The following NAT8L variants were observed in gnomAD, a reference collection of about 807,000 sequenced individuals.
NAT8L encodes N-acetylaspartate synthetase.
A neutral mutation model predicts 21.2 loss-of-function variants in NAT8L; 6 were observed. The ratio of observed to expected loss-of-function variants is 0.28; its 90% CI spans 0.16 to 0.56. NAT8L has a LOEUF of 0.56. Among genes scored for constraint, NAT8L ranks in the 20% least tolerant of loss-of-function variants. The probability of loss-of-function intolerance (pLI) is 0.93; values close to 1 mark genes in which losing one functional copy is unlikely to be tolerated. For missense variants in NAT8L, 331 were observed against 433.3 expected (o/e 0.76, Z 2.10); for synonymous variants, 239 against 204.9 (o/e 1.17, Z -1.42).
Position 2,059,397 on chromosome 4 carries a change from T to TGCCGCCGCCGCC in NAT8L, c.-103_-92dup, listed in dbSNP as rs892906399. ...GAGCTGCCGCCGCCGCCGCCGCCGC[T>TGCCGCCGCCGCC]GCCGCCGCCGCCGCCGCCGCCGCGG... On this transcript the variant is annotated 5_prime_UTR_variant, in exon 1 of 3. Coordinates refer to ENST00000423729, the MANE Select transcript of NAT8L (RefSeq NM_178557.4). The surrounding 1 kb of genome is among the most constrained non-coding windows in gnomAD (Gnocchi z 4.8). 61 of 237,292 alleles carry TGCCGCCGCCGCC rather than the reference T, an allele frequency of 2.6e-4. No homozygotes were observed. Among genetic ancestry groups the TGCCGCCGCCGCC allele is most frequent in the South Asian group, 1.5e-3 (10 of 6,730 alleles). The allele number at this position is 237,292 out of a possible 1,614,324, so 14.7% of individuals were successfully genotyped here.
In NAT8L at chr4:2,059,748, C is replaced by T; in HGVS notation, c.237C>T (p.Cys79=). The T allele has an allele frequency of 2.4e-6, 3 of 1,259,702 alleles. No individual in the cohort carries two copies. The highest frequency in any genetic ancestry group is 4.0e-5 in the South Asian group (2 of 50,564). The allele number at this position is 1,259,702 out of a possible 1,614,324, so 78.0% of individuals were successfully genotyped here. A position where few individuals can be genotyped will look rare whatever the true frequency, so the allele number is the denominator to read the frequency against. Residue 79 remains cysteine, a synonymous_variant, in exon 1 of 3, where the codon TGC becomes TGT. Transcript: ENST00000423729. This position sits in a 1 kb window ranked among gnomAD's most constrained non-coding sequence, Gnocchi z 4.8. The stretch of plus-strand genomic sequence containing the variant: ...GGCCGCCGGGGGGGCGCGGCGTGTG[C>T]ATCCGCGAGTTCCGTGCGGCCGAGC... ...GAGPPGGRGV[C]IREFRAAEQE...
chr4:2,059,605 C>G lies in NAT8L; in HGVS notation c.94C>G (p.Leu32Val). The change falls in exon 1 of 3, where the codon CTC becomes GTC. Residue 32 changes from leucine to valine, a missense_variant. Around this residue, in one of 2 missense-constraint regions of NAT8L, gnomAD observed 199 missense variants for 196.1 expected, o/e 1.01. Coordinates refer to ENST00000423729, the MANE Select transcript of NAT8L (RefSeq NM_178557.4). The surrounding 1 kb of genome is among the most constrained non-coding windows in gnomAD (Gnocchi z 4.8). ...GCCGGGGGCCAAGAAGGACGCGCTG[C>G]TCGCCGCCGCCGGCGCCATGTGGCC... The part of the protein sequence containing the change: ...ALPGAKKDAL[L>V]AAAGAMWPPL... 1.0e-6 allele frequency: 1 copy of G among 978,044 alleles called. No homozygotes were observed. The highest frequency in any genetic ancestry group is 1.2e-6 in the Non-Finnish European group (1 of 826,578). 60.6% of individuals were successfully genotyped at this position (978,044 alleles called of 1,614,324 possible).
In NAT8L at chr4:2,060,062, G is replaced by C. The variant is rs1488546295; in HGVS notation, c.376+175G>C. ...GGCTATGGGCGTGGGGATGGGCGCAGGGCCCCGAGCGGGCCGGAGCCGGGG... is the reference window on the plus strand; with the variant it reads ...GGCTATGGGCGTGGGGATGGGCGCACGGCCCCGAGCGGGCCGGAGCCGGGG... On this transcript the variant is annotated intron_variant, in intron 1 of 2. Coordinates refer to ENST00000423729, the MANE Select transcript of NAT8L (RefSeq NM_178557.4). The surrounding 1 kb of genome is among the most constrained non-coding windows in gnomAD (Gnocchi z 4.7). 6.6e-6 allele frequency among the ~76,000 whole-genome samples: 1 copy of C among 151,812 alleles called. No homozygotes were observed. Among genetic ancestry groups the C allele is most frequent in the Non-Finnish European group, 1.5e-5 (1 of 67,892 alleles).
At position 2,064,454 on chromosome 4, in the gene NAT8L, C is replaced by T. The variant is rs527368014; in HGVS notation, c.*327C>T. 4 of 163,720 alleles carry T rather than the reference C, an allele frequency of 2.4e-5. No individual in the cohort carries two copies. In the East Asian group the frequency reaches 6.9e-4, roughly 28 times the overall value. The allele number at this position is 163,720 out of a possible 1,614,324, so 10.1% of individuals were successfully genotyped here. A position where few individuals can be genotyped will look rare whatever the true frequency, so the allele number is the denominator to read the frequency against. On this transcript the variant is annotated 3_prime_UTR_variant, in exon 3 of 3. Coordinates refer to ENST00000423729, the MANE Select transcript of NAT8L (RefSeq NM_178557.4). The stretch of plus-strand genomic sequence containing the variant: ...CCGCCGCCACTGGGGAAGGCCCAGC[C>T]TTGCTCACCAAGCACAGAACCTCTG...
Position 2,060,327 on chromosome 4 carries a change from C to T in NAT8L, c.376+440C>T, listed in dbSNP as rs1353365194. ...GGGGGGTGCGCGCGCCTGGCACAGC[C>T]GGGGCGGTCGCAGAGGGCGGCCCCT... On this transcript the variant is annotated intron_variant, in intron 1 of 2. Transcript: ENST00000423729. The surrounding 1 kb of genome is among the most constrained non-coding windows in gnomAD (Gnocchi z 4.7). Among the ~76,000 whole-genome samples the T allele has an allele frequency of 6.6e-6, 1 of 152,220 alleles. No individual in the cohort carries two copies. The highest frequency in any genetic ancestry group is 1.5e-5 in the Non-Finnish European group (1 of 68,032).
chr4:2,068,331 G>A lies in NAT8L; in HGVS notation c.*4204G>A, dbSNP rs1361106206. 1 of 152,300 alleles carries A rather than the reference G, an allele frequency of 6.6e-6. No homozygotes were observed. The highest frequency in any genetic ancestry group is 1.9e-4 in the East Asian group (1 of 5,194). 9.4% of individuals were successfully genotyped at this position (152,300 alleles called of 1,614,324 possible). A position where few individuals can be genotyped will look rare whatever the true frequency, so the allele number is the denominator to read the frequency against. On this transcript the variant is annotated 3_prime_UTR_variant, in exon 3 of 3. Transcript: ENST00000423729. ...TAGATGTACGTGTGTGTGCGCATGT[G>A]TGCGTGTACATGTGTTTGTGTCTTG... is the stretch of plus-strand genomic sequence containing the variant.
Position 2,059,608 on chromosome 4 carries a change from G to C in NAT8L, c.97G>C (p.Ala33Pro). ...GGGGGCCAAGAAGGACGCGCTGCTCGCCGCCGCCGGCGCCATGTGGCCCCC... is the reference window on the plus strand; with the variant it reads ...GGGGGCCAAGAAGGACGCGCTGCTCCCCGCCGCCGGCGCCATGTGGCCCCC... ...LPGAKKDALL[A>P]AAGAMWPPLP... is the part of the protein sequence containing the mutation. Residue 33 changes from alanine (A) to proline (P), a missense_variant, in exon 1 of 3, where the codon GCC (alanine) becomes CCC (proline). This residue lies in a region of NAT8L where 199 missense variants were observed against 196.1 expected (regional missense o/e 1.01). Coordinates refer to ENST00000423729, the MANE Select transcript of NAT8L (RefSeq NM_178557.4). The surrounding 1 kb of genome is among the most constrained non-coding windows in gnomAD (Gnocchi z 4.8). 1 of 979,296 alleles carries C rather than the reference G, an allele frequency of 1.0e-6. No individual in the cohort carries two copies. The highest frequency in any genetic ancestry group is 1.8e-5 in the African/African-American group (1 of 56,002). 60.7% of individuals were successfully genotyped at this position (979,296 alleles called of 1,614,324 possible). A position where few individuals can be genotyped will look rare whatever the true frequency, so the allele number is the denominator to read the frequency against.
intron 2 of NAT8L, among the ~76,000 whole-genome samples, chr4:2,062,192 C>A (rs1307153511): frequency 6.6e-6 from 1 of 152,182 alleles, no homozygotes; most frequent in Non-Finnish European, 1.5e-5. Context: ...GCTGGCAGGG[C>A]TGCAGGAACA....
Position 2,060,136 on chromosome 4 carries a change from C to T in NAT8L, c.376+249C>T, listed in dbSNP as rs571736720. ...TCCCCGCCGCGCAGCCCCCCACCCC[C>T]ACCGCCTCCCCTGTCCCCTCCCGGG... is the stretch of plus-strand genomic sequence containing the variant. On this transcript the variant is annotated intron_variant, in intron 1 of 2. Transcript: ENST00000423729. The surrounding 1 kb of genome is among the most constrained non-coding windows in gnomAD (Gnocchi z 4.7). Among the ~76,000 whole-genome samples, 5 of 152,190 alleles carry T rather than the reference C, an allele frequency of 3.3e-5. 1 individual carries two copies. The South Asian group carries it at 1.0e-3, about 32-fold the overall frequency.
In NAT8L at chr4:2,060,121, G is replaced by A. The variant is rs1729824406; in HGVS notation, c.376+234G>A. ...GGGTCCGCACCTGCGTCCCCGCCGC[G>A]CAGCCCCCCACCCCCACCGCCTCCC... On this transcript the variant is annotated intron_variant, in intron 1 of 2. Coordinates refer to ENST00000423729, the MANE Select transcript of NAT8L (RefSeq NM_178557.4). This position sits in a 1 kb window ranked among gnomAD's most constrained non-coding sequence, Gnocchi z 4.7. 6.6e-6 allele frequency among the ~76,000 whole-genome samples: 1 copy of A among 151,978 alleles called. No individual in the cohort carries two copies. Among genetic ancestry groups the A allele is most frequent in the Non-Finnish European group, 1.5e-5 (1 of 67,944 alleles).
rs568195841 is a variant in NAT8L at position 2,063,645 on chromosome 4, C to T, written c.542-115C>T. ...TGCCGGGATTGGGTGTCCCACTGCC[C>T]TGGCTTGGTGTCCAGCTGGAGGGGG... On this transcript the variant is annotated intron_variant, in intron 2 of 2. Coordinates refer to ENST00000423729, the MANE Select transcript of NAT8L (RefSeq NM_178557.4). 31 of 1,579,466 alleles carry T rather than the reference C, an allele frequency of 2.0e-5. No homozygotes were observed. The South Asian group carries it at 2.2e-4, about 11-fold the overall frequency.
chr4:2,063,235 T>C (rs1729927069), intron 2 of NAT8L, among the ~76,000 whole-genome samples: 1 of 152,240 alleles, frequency 6.6e-6, no homozygotes, highest in African/African-American at 2.4e-5. Context: ...CCCTCTGCTG[T>C]GGGTGCTGGA....
Position 2,060,992 on chromosome 4 carries a change from C to T in NAT8L, c.377-6C>T. 6.6e-7 allele frequency: 1 copy of T among 1,507,996 alleles called. No homozygotes were observed. The highest frequency in any genetic ancestry group is 9.0e-7 in the Non-Finnish European group (1 of 1,109,996). 93.4% of individuals were successfully genotyped at this position (1,507,996 alleles called of 1,614,324 possible). A position where few individuals can be genotyped will look rare whatever the true frequency, so the allele number is the denominator to read the frequency against. The stretch of plus-strand genomic sequence containing the variant: ...CGCGCCGCTGACCCGCGCCCTCTGC[C>T]CCCAGCGCTGTGCTTCGCCGTGAGC... On this transcript the variant is annotated splice_region_variant and splice_polypyrimidine_tract_variant and intron_variant, in intron 1 of 2. Coordinates refer to ENST00000423729, the MANE Select transcript of NAT8L (RefSeq NM_178557.4). This position sits in a 1 kb window ranked among gnomAD's most constrained non-coding sequence, Gnocchi z 4.7.
Position 2,060,950 on chromosome 4 carries a change from G to C in NAT8L, c.377-48G>C. The C allele has an allele frequency of 1.7e-6, 2 of 1,160,494 alleles. No individual in the cohort carries two copies. Among genetic ancestry groups the C allele is most frequent in the Non-Finnish European group, 2.4e-6 (2 of 830,204 alleles). The allele number at this position is 1,160,494 out of a possible 1,614,324, so 71.9% of individuals were successfully genotyped here. ...GGCTTCGCCGGGGTGGCGTCTCTGG[G>C]GCCTGGGGACCCCCGCCGCGCCGCT... On this transcript the variant is annotated intron_variant, in intron 1 of 2. Transcript: ENST00000423729. This position sits in a 1 kb window ranked among gnomAD's most constrained non-coding sequence, Gnocchi z 4.7.
intron 2 of NAT8L, among the ~76,000 whole-genome samples, chr4:2,061,526 G>A (rs575535496): frequency 4.6e-5 from 7 of 152,340 alleles, no homozygotes; most frequent in African/African-American, 1.7e-4. Context: ...GTCCTGGGGG[G>A]AGAGGGCTTG....
In NAT8L at chr4:2,060,020, G is replaced by T. The variant is rs932348185; in HGVS notation, c.376+133G>T. The T allele has an allele frequency of 4.6e-6, 2 of 430,892 alleles. No individual in the cohort carries two copies. The highest frequency in any genetic ancestry group is 6.7e-6 in the Non-Finnish European group (2 of 297,184). The allele number at this position is 430,892 out of a possible 1,614,324, so 26.7% of individuals were successfully genotyped here. A position where few individuals can be genotyped will look rare whatever the true frequency, so the allele number is the denominator to read the frequency against. On this transcript the variant is annotated intron_variant, in intron 1 of 2. Coordinates refer to ENST00000423729, the MANE Select transcript of NAT8L (RefSeq NM_178557.4). This position sits in a 1 kb window ranked among gnomAD's most constrained non-coding sequence, Gnocchi z 4.7. Reference sequence around the variant, plus strand: ...GAAGCCCCCCGCTTTCTGCCGCGCCGGGCCCCGCGCAGGGCTGGCTATGGG... The same window carrying T: ...GAAGCCCCCCGCTTTCTGCCGCGCCTGGCCCCGCGCAGGGCTGGCTATGGG...
At chr4:2,061,866 G>A (rs1339851471) in intron 2 of NAT8L, among the ~76,000 whole-genome samples, 4 of 152,160 alleles carry the variant, frequency 2.6e-5, no homozygotes, top group Non-Finnish European at 5.9e-5. Flanking sequence ...GAGGGACAGA[G>A]TGTGGCCCAA....
intron 2 of NAT8L, 103 bp from the exon 3 acceptor site, chr4:2,063,657 C>T: frequency 6.3e-7 from 1 of 1,588,328 alleles, no homozygotes; most frequent in Non-Finnish European, 8.5e-7. Context: ...GGCTTGGTGT[C>T]CAGCTGGAGG....
In NAT8L at chr4:2,059,854, C is replaced by CCG; in HGVS notation, c.351_352dup (p.Gln118ArgfsTer15). 7.2e-7 allele frequency: 1 copy of CCG among 1,379,914 alleles called. No individual in the cohort carries two copies. The highest frequency in any genetic ancestry group is 9.5e-7 in the Non-Finnish European group (1 of 1,056,072). 85.5% of individuals were successfully genotyped at this position (1,379,914 alleles called of 1,614,324 possible). A position where few individuals can be genotyped will look rare whatever the true frequency, so the allele number is the denominator to read the frequency against. ...GGCCTTCCGCGGCCTGCGGCAGCAC[C>CCG]CGCGCGCGCAGCTGCTCTACGCCCT... On this transcript the variant is annotated frameshift_variant, in exon 1 of 3. Coordinates refer to ENST00000423729, the MANE Select transcript of NAT8L (RefSeq NM_178557.4). LOFTEE classifies it high-confidence loss of function. The surrounding 1 kb of genome is among the most constrained non-coding windows in gnomAD (Gnocchi z 4.8).
Sources: gnomAD v4.1 joint callset for allele counts (sites outside exome capture counted in the v4.1 genomes callset) on GRCh38, gnomAD v4.1.1 for gene constraint, gnomAD v4.1.1 regional missense constraint, Gnocchi (gnomAD v3.1) non-coding constraint, MANE v1.5 for transcripts, NCBI Gene and HGNC (gene_info 2026-07-23, HGNC 2026-07-21) for gene names.